Variants in TRAF3 observed in about 807,000 individuals in gnomAD.
TRAF3 encodes the protein TNF receptor-associated factor 3.
In TRAF3, 13 loss-of-function variants were observed where a neutral mutation model predicts 62.3. That is an observed-to-expected ratio of 0.21 (90% CI 0.14 to 0.33). The LOEUF (loss-of-function observed/expected upper bound fraction) is 0.33. TRAF3 is among the 10% of genes least tolerant of loss of function. TRAF3 has a pLI of 1.00. For synonymous variants in TRAF3, 269 were observed against 283.4 expected, an observed-to-expected ratio of 0.95 and a Z score of 0.51; for missense variants, 440 against 741.8, an observed-to-expected ratio of 0.59 and a Z score of 4.73.
intron 1 of TRAF3, among the ~76,000 whole-genome samples, chr14:102,829,473 C>T (rs114135321): frequency 6.6e-6 from 1 of 152,208 alleles, no homozygotes; most frequent in Non-Finnish European, 1.5e-5. Context: ...GGCTGAGGAA[C>T]TAGCCTGTGT....
rs1420520628 is a variant in TRAF3 at position 102,906,056 on chromosome 14, C to G, written c.*272C>G. 2.6e-6 allele frequency: 1 copy of G among 384,150 alleles called. No homozygotes were observed. Among genetic ancestry groups the G allele is most frequent in the East Asian group, 4.4e-5 (1 of 22,686 alleles). 23.8% of individuals were successfully genotyped at this position (384,150 alleles called of 1,614,324 possible). A position where few individuals can be genotyped will look rare whatever the true frequency, so the allele number is the denominator to read the frequency against. On this transcript the variant is annotated 3_prime_UTR_variant, in exon 12 of 12. Transcript: ENST00000392745. The stretch of plus-strand genomic sequence containing the variant: ...GGTTTTCATTTTCATTTTTAAAGAT[C>G]TAGTTAATTAAGGTGGAAAACATAT...
chr14:102,780,020 G>A (rs965834302), intron 1 of TRAF3, among the ~76,000 whole-genome samples: 2 of 152,204 alleles, frequency 1.3e-5, no homozygotes, highest in Non-Finnish European at 2.9e-5. Context: ...AAATCACTTG[G>A]TGTTCTTTTT....
intron 2 of TRAF3, among the ~76,000 whole-genome samples, chr14:102,836,467 G>A (rs1224090364): frequency 6.6e-6 from 1 of 152,206 alleles, no homozygotes; most frequent in African/African-American, 2.4e-5. Context: ...AATTCACGGT[G>A]TAAACTGCAG....
chr14:102,849,441 A>G (rs1195753962), intron 2 of TRAF3, among the ~76,000 whole-genome samples: 1 of 152,248 alleles, frequency 6.6e-6, no homozygotes, highest in Non-Finnish European at 1.5e-5. Flanking sequence ...CTTTGCATAT[A>G]ATAAGGATTG....
intron 1 of TRAF3, among the ~76,000 whole-genome samples, chr14:102,786,475 G>A (rs974873634): frequency 1.3e-5 from 2 of 152,174 alleles, no homozygotes; most frequent in African/African-American, 4.8e-5. Context: ...ATCACCTGAG[G>A]TCATGAGTTC....
intron 9 of TRAF3, among the ~76,000 whole-genome samples, chr14:102,896,217 T>C (rs992131594): frequency 1.3e-5 from 2 of 152,318 alleles, no homozygotes; most frequent in Admixed American, 1.3e-4. Context: ...TGAATCACAG[T>C]CACCATGCTG....
intron 9 of TRAF3, among the ~76,000 whole-genome samples, chr14:102,891,632 T>A (rs1889719646): frequency 6.6e-6 from 1 of 152,226 alleles, no homozygotes; most frequent in Admixed American, 6.5e-5. Flanking sequence ...AGTGCTTTTT[T>A]AAAGTCAATC....
At chr14:102,839,878 G>A (rs2403102) in intron 2 of TRAF3, among the ~76,000 whole-genome samples, 59,980 of 152,044 alleles carry the variant, frequency 0.39, 16,440 homozygotes, top group African/African-American at 0.78. Context: ...GTGAGAAGTA[G>A]TTAGAGCATA....
intron 1 of TRAF3, among the ~76,000 whole-genome samples, chr14:102,805,912 C>T (rs923310783): frequency 2.7e-5 from 4 of 149,486 alleles, no homozygotes; most frequent in African/African-American, 9.9e-5. Context: ...TTTAAGTGAA[C>T]ATTTCAAACT....
At chr14:102,892,302 C>T (rs922381287) in intron 9 of TRAF3, among the ~76,000 whole-genome samples, 3 of 152,192 alleles carry the variant, frequency 2.0e-5, no homozygotes, top group Non-Finnish European at 4.4e-5. Context: ...AGGTGATCTG[C>T]CCACCTCGGC....
At chr14:102,777,863 G>T (rs1185181794) in intron 1 of TRAF3, among the ~76,000 whole-genome samples, 188 bp downstream of exon 1, 2 of 147,814 alleles carry the variant, frequency 1.4e-5, no homozygotes, top group Non-Finnish European at 3.0e-5. Context: ...CTGGCCCCGC[G>T]CCCCAGCCGG....
At chr14:102,847,654 C>T (rs538415110) in intron 2 of TRAF3, among the ~76,000 whole-genome samples, 3 of 152,270 alleles carry the variant, frequency 2.0e-5, no homozygotes, top group African/African-American at 7.2e-5. Flanking sequence ...CTCCTTAAAA[C>T]ATATGACACA....
At chr14:102,843,705 A>G (rs997718297) in intron 2 of TRAF3, among the ~76,000 whole-genome samples, 3 of 152,078 alleles carry the variant, frequency 2.0e-5, no homozygotes, top group Non-Finnish European at 4.4e-5. Context: ...CACTTTGGGC[A>G]GGAGGAGAGG....
At chr14:102,849,031 G>A (rs1440617016) in intron 2 of TRAF3, among the ~76,000 whole-genome samples, 1 of 152,098 alleles carries the variant, frequency 6.6e-6, no homozygotes, top group Non-Finnish European at 1.5e-5. Context: ...TGAACTCCTG[G>A]CCTCAAGCAG....
chr14:102,791,620 C>T (rs1243375082), intron 1 of TRAF3, among the ~76,000 whole-genome samples: 1 of 152,112 alleles, frequency 6.6e-6, no homozygotes, highest in South Asian at 2.1e-4. Context: ...AATCATGTCA[C>T]CTGCATATAT....
Position 102,891,434 on chromosome 14 carries a change from C to G in TRAF3, c.819+17C>G. On this transcript the variant is annotated intron_variant, in intron 9 of 11. Coordinates refer to ENST00000392745, the MANE Select transcript of TRAF3 (RefSeq NM_145725.3). Reference sequence around the variant, plus strand: ...GAAAAGAAGGTGGGCTGCACACTTTCCTGCTGCTATGGGATTTGTATCATC... The same window carrying G: ...GAAAAGAAGGTGGGCTGCACACTTTGCTGCTGCTATGGGATTTGTATCATC... The G allele has an allele frequency of 1.2e-6, 2 of 1,602,936 alleles. No homozygotes were observed. The highest frequency in any genetic ancestry group is 2.2e-5 in the South Asian group (2 of 89,054).
At chr14:102,861,382 C>T (rs1887667888) in intron 2 of TRAF3, among the ~76,000 whole-genome samples, 1 of 152,194 alleles carries the variant, frequency 6.6e-6, no homozygotes, top group South Asian at 2.1e-4. Context: ...TTAGGAAGGA[C>T]TCTAACCTTC....
chr14:102,881,069 A>G (rs993824403), intron 6 of TRAF3, among the ~76,000 whole-genome samples: 1 of 151,992 alleles, frequency 6.6e-6, no homozygotes, highest in Non-Finnish European at 1.5e-5. Flanking sequence ...CCTGGTCAAC[A>G]AGAGCGAAAC....
intron 7 of TRAF3, among the ~76,000 whole-genome samples, chr14:102,888,391 G>A (rs1889522828): frequency 1.3e-5 from 2 of 152,176 alleles, no homozygotes; most frequent in Admixed American, 6.5e-5. Context: ...CCCTAGCAGT[G>A]GCCGCATGGG....
Sources: allele counts gnomAD v4.1 joint callset (sites outside exome capture counted in the v4.1 genomes callset), GRCh38; gene constraint gnomAD v4.1.1; transcripts MANE v1.5; gene names NCBI Gene and HGNC (gene_info 2026-07-23, HGNC 2026-07-21).